MED26: variants seen among roughly 807,000 people sequenced by gnomAD.
MED26 encodes mediator complex subunit 26.
A neutral mutation model predicts 43.7 loss-of-function variants in MED26; 7 were observed. The ratio of observed to expected loss-of-function variants is 0.16; its 90% CI spans 0.09 to 0.30. The LOEUF (loss-of-function observed/expected upper bound fraction) is 0.30, where lower values mean the gene tolerates loss of function less well. Ranked by LOEUF, MED26 falls within the 10% of genes least tolerant of loss-of-function variation. MED26 has a pLI of 1.00. For missense variants in MED26, 784 were observed against 840.6 expected (o/e 0.93, Z 0.83); for synonymous variants, 375 against 371.1 (o/e 1.01, Z -0.12).
chr19:16,628,106 C>T lies in MED26; in HGVS notation c.-163G>A, dbSNP rs865981092. 5.2e-6 allele frequency: 2 copies of T among 383,096 alleles called. No individual in the cohort carries two copies. The highest frequency in any genetic ancestry group is 9.2e-6 in the Non-Finnish European group (2 of 218,480). The allele number at this position is 383,096 out of a possible 1,614,324, so 23.7% of individuals were successfully genotyped here. On this transcript the variant is annotated 5_prime_UTR_variant, in exon 1 of 3. Coordinates refer to ENST00000263390, the MANE Select transcript of MED26 (RefSeq NM_004831.5). Reference sequence around the variant, plus strand: ...GGGTGGCGGAGAGGGGAGCCGGGGCCGGGTCTCGGTCCCGGGCCGCCGCCG... The same window carrying T: ...GGGTGGCGGAGAGGGGAGCCGGGGCTGGGTCTCGGTCCCGGGCCGCCGCCG...
chr19:16,576,408 C>T lies in MED26; in HGVS notation c.1422G>A (p.Gln474=), dbSNP rs762929996. ...TGCGTGACAGCTCCTTCCAGTTCGT[C>T]TGTTCGAAGGGGCTCTGGAGGCTGG... ...AKASLQSPFE[Q]TNWKELSRNE... Residue 474 remains glutamine (Q), a synonymous_variant, in exon 3 of 3, where the codon CAG becomes CAA. Transcript: ENST00000263390. This position sits in a 1 kb window ranked among gnomAD's most constrained non-coding sequence, Gnocchi z 6.8. 1 of 1,614,158 alleles carries T rather than the reference C, an allele frequency of 6.2e-7. No homozygotes were observed. Among genetic ancestry groups the T allele is most frequent in the South Asian group, 1.1e-5 (1 of 91,084 alleles).
intron 1 of MED26, among the ~76,000 whole-genome samples, chr19:16,584,472 GGCTGGACAC>G (rs1204321415): frequency 6.6e-6 from 1 of 152,292 alleles, no homozygotes; most frequent in East Asian, 1.9e-4. Flanking sequence ...AAGGAGGCGG[GGCTGGACAC>G]GCACAGAGAC....
chr19:16,625,556 C>T (rs751344134), intron 1 of MED26, among the ~76,000 whole-genome samples: 42 of 130,150 alleles, frequency 3.2e-4, no homozygotes, highest in Non-Finnish European at 3.3e-4. Flanking sequence ...TTTTTTTTTT[C>T]ATGAGCATCT....
intron 1 of MED26, chr19:16,578,632 G>A: frequency 7.1e-6 from 4 of 559,914 alleles, no homozygotes; most frequent in South Asian, 2.1e-5. Flanking sequence ...TGTGGTGTGC[G>A]GGCTGCCCCA....
rs764771633 is a variant in MED26, at chr19:16,576,769, G to A, written c.1061C>T (p.Pro354Leu). The change falls in exon 3 of 3, where the codon CCG (proline) becomes CTG (leucine). Residue 354 changes from proline to leucine, a missense_variant. Transcript: ENST00000263390. This position sits in a 1 kb window ranked among gnomAD's most constrained non-coding sequence, Gnocchi z 6.8. ...QPESHQRLAG[P>L]GCKAGLSPAE... ...TGGGGACAGCCCTGCCTTGCAGCCC[G>A]GCCCCGCCAGCCGCTGGTGGCTCTC... 117 of 1,605,622 alleles carry A rather than the reference G, an allele frequency of 7.3e-5. No homozygotes were observed. The East Asian group carries it at 2.0e-3, about 28-fold the overall frequency.
chr19:16,606,219 C>T (rs2122430525), intron 1 of MED26, among the ~76,000 whole-genome samples: 1 of 152,326 alleles, frequency 6.6e-6, no homozygotes, highest in Middle Eastern at 3.4e-3. Context: ...TGTATGGCCC[C>T]ATAAATGAGG....
intron 1 of MED26, among the ~76,000 whole-genome samples, chr19:16,592,275 T>C (rs2086101291): frequency 1.3e-5 from 2 of 152,216 alleles, no homozygotes; most frequent in Admixed American, 6.5e-5. Flanking sequence ...AAGTTCCATC[T>C]GCAGGAGGGG....
chr19:16,626,281 G>A (rs185197990), intron 1 of MED26, among the ~76,000 whole-genome samples: 15 of 152,098 alleles, frequency 9.9e-5, no homozygotes, highest in Admixed American at 5.2e-4. Context: ...ATTACCTTCC[G>A]GCTCCACAAA....
intron 1 of MED26, among the ~76,000 whole-genome samples, chr19:16,607,427 T>C (rs1429207920): frequency 1.3e-5 from 2 of 150,878 alleles, no homozygotes; most frequent in East Asian, 3.9e-4. Context: ...CCTCGTGCCT[T>C]CTGAAGAGGA....
chr19:16,617,362 C>G (rs977107934), intron 1 of MED26, among the ~76,000 whole-genome samples: 1 of 152,174 alleles, frequency 6.6e-6, no homozygotes, highest in Non-Finnish European at 1.5e-5. Context: ...TTCGGAAACA[C>G]CTCCCTGACT....
intron 1 of MED26, among the ~76,000 whole-genome samples, chr19:16,596,481 C>A (rs747331627): frequency 1.3e-5 from 2 of 152,210 alleles, no homozygotes; most frequent in African/African-American, 4.8e-5. Flanking sequence ...CCTCAGCCAT[C>A]GAGTGCATAC....
In MED26 at chr19:16,627,864, G is replaced by T; in HGVS notation, c.72+8C>A. On this transcript the variant is annotated splice_region_variant and intron_variant, in intron 1 of 2. Transcript: ENST00000263390. ...GCCTCCGTCCCAGCTCGCGCGGCGGGTACTTACGTTGCTCTGGGGGTCGAT... is the reference window on the plus strand; with the variant it reads ...GCCTCCGTCCCAGCTCGCGCGGCGGTTACTTACGTTGCTCTGGGGGTCGAT... The T allele has an allele frequency of 2.0e-6, 3 of 1,489,150 alleles. No individual in the cohort carries two copies. Among genetic ancestry groups the T allele is most frequent in the Non-Finnish European group, 2.7e-6 (3 of 1,114,434 alleles). The allele number at this position is 1,489,150 out of a possible 1,614,324, so 92.2% of individuals were successfully genotyped here.
intron 1 of MED26, among the ~76,000 whole-genome samples, chr19:16,599,211 C>A (rs139653851): frequency 6.6e-6 from 1 of 152,080 alleles, no homozygotes; most frequent in African/African-American, 2.4e-5. Context: ...GGTGATATTT[C>A]GTGGGTTATA....
At chr19:16,614,465 G>A (rs750195140) in intron 1 of MED26, among the ~76,000 whole-genome samples, 8 of 151,744 alleles carry the variant, frequency 5.3e-5, no homozygotes, top group Non-Finnish European at 1.0e-4. Context: ...GGACGTAGAG[G>A]TTGCAGTGAG....
chr19:16,584,352 C>T (rs919083508), intron 1 of MED26, among the ~76,000 whole-genome samples: 10 of 151,900 alleles, frequency 6.6e-5, no homozygotes, highest in Non-Finnish European at 1.2e-4. Context: ...GAAAGGCTTC[C>T]GGAAAGGCTG....
intron 1 of MED26, among the ~76,000 whole-genome samples, chr19:16,618,444 G>A (rs2086235805): frequency 6.6e-6 from 1 of 152,216 alleles, no homozygotes; most frequent in Non-Finnish European, 1.5e-5. Context: ...CGGACAGCGT[G>A]ACAGCGAGGT....
At position 16,577,572 on chromosome 19, in the gene MED26, C is replaced by T. The variant is rs936041032; in HGVS notation, c.258G>A (p.Pro86=). ...LLRSWQKLIE[P]AHQHEAALRG... Reference sequence around the variant, plus strand: ...GCAGCGCCGCCTCATGCTGGTGTGCCGGCTCGATGAGCTTCTGCCAGCTCC... The same window carrying T: ...GCAGCGCCGCCTCATGCTGGTGTGCTGGCTCGATGAGCTTCTGCCAGCTCC... The change falls in exon 3 of 3, where the codon CCG becomes CCA. Residue 86 remains proline (P), a synonymous_variant. Coordinates refer to ENST00000263390, the MANE Select transcript of MED26 (RefSeq NM_004831.5). The surrounding 1 kb of genome is among the most constrained non-coding windows in gnomAD (Gnocchi z 8.1). 5.6e-6 allele frequency: 9 copies of T among 1,609,570 alleles called. No individual in the cohort carries two copies. In the East Asian group the frequency reaches 8.9e-5, roughly 16 times the overall value.
intron 1 of MED26, among the ~76,000 whole-genome samples, chr19:16,612,441 G>A (rs2086203926): frequency 6.6e-6 from 1 of 151,252 alleles, no homozygotes; most frequent in Non-Finnish European, 1.5e-5. Context: ...CATGCCACCA[G>A]CCCCACCTAA....
chr19:16,601,280 C>T (rs985346090), intron 1 of MED26, among the ~76,000 whole-genome samples: 2 of 151,856 alleles, frequency 1.3e-5, no homozygotes, highest in Admixed American at 6.6e-5. Context: ...CTCAGCCTCC[C>T]GAGTAGCTGG....
Sources: allele counts gnomAD v4.1 joint callset (sites outside exome capture counted in the v4.1 genomes callset), GRCh38; gene constraint gnomAD v4.1.1; non-coding constraint Gnocchi (gnomAD v3.1); transcripts MANE v1.5; gene names NCBI Gene and HGNC (gene_info 2026-07-23, HGNC 2026-07-21).